Variants in NDUFS2 observed in about 807,000 individuals in gnomAD.
NDUFS2 encodes NADH dehydrogenase [ubiquinone] iron-sulfur protein 2, mitochondrial.
In NDUFS2, 38 loss-of-function variants were observed where a neutral mutation model predicts 69.6. The ratio of observed to expected loss-of-function variants is 0.55; its 90% CI spans 0.42 to 0.72. The LOEUF (loss-of-function observed/expected upper bound fraction) is 0.72, where lower values mean the gene tolerates loss of function less well. Ranked by LOEUF, NDUFS2 falls within the 30% of genes least tolerant of loss-of-function variation. NDUFS2 has a pLI of 0.00. For synonymous variants in NDUFS2, 194 were observed against 211.2 expected (o/e 0.92, Z 0.70); for missense variants, 468 against 595.0 (o/e 0.79, Z 2.22).
chr1:161,210,410 C>G, intron 8 of NDUFS2, 21 bp downstream of exon 8: 5 of 1,609,486 alleles, frequency 3.1e-6, no homozygotes, highest in South Asian at 1.1e-5. Context: ...TACAACTTCT[C>G]TCCGTAGGAG....
At position 161,209,595 on chromosome 1, in the gene NDUFS2, G is replaced by A. The variant is rs778718390; in HGVS notation, c.627G>A (p.Lys209=). 6.2e-7 allele frequency: 1 copy of A among 1,606,784 alleles called. No homozygotes were observed. Among genetic ancestry groups the A allele is most frequent in the Non-Finnish European group, 8.5e-7 (1 of 1,177,070 alleles). The part of the protein sequence containing the change: ...PFFWLFEERE[K]MFEFYERVSG... The stretch of plus-strand genomic sequence containing the variant: ...TCTGGCTGTTTGAAGAAAGGGAGAA[G>A]GTAAGAGTGGGAGGAAAGGATAGGA... The change falls in exon 5 of 14, where the codon AAG becomes AAA. Residue 209 remains lysine (K), a splice_region_variant and synonymous_variant. Coordinates refer to ENST00000676972, the MANE Select transcript of NDUFS2 (RefSeq NM_001377299.1).
intron 10 of NDUFS2, 152 bp from the exon 11 acceptor site, chr1:161,213,227 TA>T: frequency 1.5e-6 from 1 of 670,394 alleles, no homozygotes; most frequent in Non-Finnish European, 2.7e-6. Context: ...TAATCTCCCA[TA>T]GCTCTCCTGT....
chr1:161,202,338 A>C (rs756426534), upstream of NDUFS2: 18 of 1,559,606 alleles, frequency 1.2e-5, no homozygotes, highest in South Asian at 5.8e-5. Flanking sequence ...GGCGCGCTGG[A>C]GTTACTTCCG....
chr1:161,210,404 A>C lies in NDUFS2; in HGVS notation c.866+15A>C. The stretch of plus-strand genomic sequence containing the variant: ...TATGGTTTTAGGTGAGGGGAATACA[A>C]CTTCTCTCCGTAGGAGTGGGGGTGG... On this transcript the variant is annotated intron_variant, in intron 8 of 13. Transcript: ENST00000676972. 1.2e-6 allele frequency: 2 copies of C among 1,610,076 alleles called. No individual in the cohort carries two copies. Among genetic ancestry groups the C allele is most frequent in the Non-Finnish European group, 1.7e-6 (2 of 1,176,364 alleles).
rs753100209 is a variant in NDUFS2, at chr1:161,206,524, G to A, written c.320G>A (p.Arg107Gln). 10 of 1,614,214 alleles carry A rather than the reference G, an allele frequency of 6.2e-6. No individual in the cohort carries two copies. The highest frequency in any genetic ancestry group is 2.7e-5 in the African/African-American group (2 of 75,054). ...LVMELSGEMV[R>Q]KCDPHIGLLH... ...ATGGAATTGAGTGGGGAGATGGTGC[G>A]GAAGTGTGATCCTCACATCGGGCTC... is the stretch of plus-strand genomic sequence containing the variant. The change falls in exon 3 of 14, where the codon CGG becomes CAG. Residue 107 changes from arginine (R) to glutamine (Q), a missense_variant. By Grantham distance (43) the Arg-to-Gln change is conservative (BLOSUM62 1). Around this residue, in one of 3 missense-constraint regions of NDUFS2, gnomAD observed 339 missense variants for 433.8 expected, o/e 0.78. Transcript: ENST00000676972.
chr1:161,198,410 G>A, upstream of NDUFS2: 1 of 1,605,932 alleles, frequency 6.2e-7, no homozygotes, highest in East Asian at 2.3e-5. The surrounding 1 kb of genome is among the most constrained non-coding windows in gnomAD (Gnocchi z 4.7). Flanking sequence ...GCCCGAGCCA[G>A]GCAGGACGCT....
intron 5 of NDUFS2, 70 bp from the exon 6 acceptor site, chr1:161,209,787 G>C (rs542928139): frequency 4.6e-6 from 7 of 1,529,136 alleles, no homozygotes; most frequent in African/African-American, 2.7e-5. Flanking sequence ...GGCAGAAAGT[G>C]GGGGAGTAGG....
At chr1:161,203,287 C>T (rs1430409925) in intron 1 of NDUFS2, 150 bp from the exon 2 acceptor site, 1 of 697,206 alleles carries the variant, frequency 1.4e-6, no homozygotes, top group Non-Finnish European at 2.5e-6. Flanking sequence ...GTATGGGCAA[C>T]AAGAGTGAAA....
Position 161,214,153 on chromosome 1 carries a change from T to C in NDUFS2, c.1355-3T>C, listed in dbSNP as rs1174185678. The C allele has an allele frequency of 6.2e-7, 1 of 1,613,990 alleles. No homozygotes were observed. The highest frequency in any genetic ancestry group is 1.7e-5 in the Admixed American group (1 of 59,996). On this transcript the variant is annotated splice_region_variant and splice_polypyrimidine_tract_variant and intron_variant, in intron 13 of 13. Coordinates refer to ENST00000676972, the MANE Select transcript of NDUFS2 (RefSeq NM_001377299.1). Reference sequence around the variant, plus strand: ...CACTTTTTTCCTCCATCCTCTCACCTAGGTACCCAAGATATTGTATTTGGA... The same window carrying C: ...CACTTTTTTCCTCCATCCTCTCACCCAGGTACCCAAGATATTGTATTTGGA...
upstream of NDUFS2, chr1:161,198,428 A>G (rs916853796): frequency 6.3e-7 from 1 of 1,594,830 alleles, no homozygotes; most frequent in Non-Finnish European, 8.5e-7. The surrounding 1 kb of genome is among the most constrained non-coding windows in gnomAD (Gnocchi z 4.7). Context: ...GCTGCCGTTG[A>G]GCTTCTCTGG....
In NDUFS2 at chr1:161,213,908, C is replaced by T. The variant is rs1044977639; in HGVS notation, c.1341C>T (p.Val447=). The stretch of plus-strand genomic sequence containing the variant: ...CTAAGGGACACATGTTGGCAGATGT[C>T]GTTGCCATCATAGGTACGAGGCCTA... ...KMSKGHMLAD[V]VAIIGTQDIV... Residue 447 remains valine (V), a synonymous_variant, in exon 13 of 14, where the codon GTC becomes GTT. Transcript: ENST00000676972. 5.6e-6 allele frequency: 9 copies of T among 1,614,168 alleles called. No homozygotes were observed. The highest frequency in any genetic ancestry group is 4.4e-5 in the South Asian group (4 of 91,066).
chr1:161,198,546 T>C, upstream of NDUFS2: 1 of 1,564,644 alleles, frequency 6.4e-7, no homozygotes, highest in Non-Finnish European at 8.7e-7. This position sits in a 1 kb window ranked among gnomAD's most constrained non-coding sequence, Gnocchi z 4.7. Context: ...AGCGGCACAA[T>C]GGGGAGCAGG....
upstream of NDUFS2, chr1:161,201,945 A>C (rs1011684600): frequency 4.6e-6 from 1 of 215,990 alleles, no homozygotes; most frequent in Non-Finnish European, 9.7e-6. Context: ...ATGGGAAAGT[A>C]ATTGGCAAAG....
At chr1:161,201,729 C>A (rs1307674602), upstream of NDUFS2, among the ~76,000 whole-genome samples, 2 of 152,186 alleles carry the variant, frequency 1.3e-5, no homozygotes, top group South Asian at 2.1e-4. Flanking sequence ...TCCACTCCCC[C>A]ATCTGGGATG....
intron 9 of NDUFS2, among the ~76,000 whole-genome samples, chr1:161,210,926 A>G (rs1366959388): frequency 2.0e-5 from 3 of 152,114 alleles, no homozygotes; most frequent in Non-Finnish European, 4.4e-5. Context: ...CCAGGTTGGA[A>G]TGCAATGGTG....
intron 3 of NDUFS2, among the ~76,000 whole-genome samples, chr1:161,207,793 T>G (rs1297107501): frequency 6.6e-6 from 1 of 151,700 alleles, no homozygotes; most frequent in East Asian, 1.9e-4. Context: ...GCCTTTCTCC[T>G]TCAGTATCTG....
At chr1:161,202,543 G>A in intron 1 of NDUFS2, 63 bp downstream of exon 1, 2 of 1,450,452 alleles carry the variant, frequency 1.4e-6, no homozygotes, top group Non-Finnish European at 9.5e-7. Context: ...GGTTGGGGAC[G>A]CTTTACTCCC....
intron 9 of NDUFS2, 24 bp from the exon 10 acceptor site, chr1:161,212,327 C>A: frequency 6.2e-7 from 1 of 1,613,044 alleles, no homozygotes; most frequent in South Asian, 1.1e-5. Flanking sequence ...CTGTTCTTCT[C>A]TTGCTCTGTC....
rs1272484729 is a variant in NDUFS2 at position 161,210,660 on chromosome 1, C to T, written c.936C>T (p.Asp312=). 6 of 1,613,996 alleles carry T rather than the reference C, an allele frequency of 3.7e-6. No individual in the cohort carries two copies. In the African/African-American group the frequency reaches 8.0e-5, roughly 22 times the overall value. Reference sequence around the variant, plus strand: ...AGACCCAGCCCTATGATGTTTACGACCAGGTTGAGTTTGATGTTCCTGTTG... The same window carrying T: ...AGACCCAGCCCTATGATGTTTACGATCAGGTTGAGTTTGATGTTCCTGTTG... ...LRKTQPYDVY[D]QVEFDVPVGS... Residue 312 remains aspartate (D), a synonymous_variant, in exon 9 of 14, where the codon GAC becomes GAT. Coordinates refer to ENST00000676972, the MANE Select transcript of NDUFS2 (RefSeq NM_001377299.1).
Sources: allele counts gnomAD v4.1 joint callset (sites outside exome capture counted in the v4.1 genomes callset), GRCh38; gene constraint gnomAD v4.1.1; regional missense constraint gnomAD v4.1.1; non-coding constraint Gnocchi (gnomAD v3.1); transcripts MANE v1.5; gene names NCBI Gene and HGNC (gene_info 2026-07-23, HGNC 2026-07-21).